The following KRABD5 variants were observed in gnomAD, a reference collection of about 807,000 sequenced individuals.
The protein encoded by KRABD5 is KRAB domain containing 5.
the KRABD5 span, among the ~76,000 whole-genome samples, chr16:31,717,274 G>A: frequency 6.6e-6 from 1 of 152,140 alleles, no homozygotes; most frequent in Admixed American, 6.5e-5. Flanking sequence ...GGGATTACAG[G>A]CGTGAGCCAC....
the KRABD5 span, chr16:31,753,723 G>T: frequency 7.0e-7 from 1 of 1,431,228 alleles, no homozygotes; most frequent in South Asian, 1.6e-5. Flanking sequence ...ATTTTCACCT[G>T]AATTTAGTAA....
chr16:31,756,560 A>G, the KRABD5 span: 1 of 152,102 alleles, frequency 6.6e-6, no homozygotes, highest in Non-Finnish European at 1.5e-5. Context: ...GAGAACTTAA[A>G]CTTCTAATAA....
At chr16:31,757,428 C>T in the KRABD5 span, 1 of 152,190 alleles carries the variant, frequency 6.6e-6, no homozygotes, top group African/African-American at 2.4e-5. Context: ...GTTTGTGCCT[C>T]ACACTCCAGC....
At chr16:31,735,859 T>C in the KRABD5 span, among the ~76,000 whole-genome samples, 1 of 152,220 alleles carries the variant, frequency 6.6e-6, no homozygotes. Flanking sequence ...TCTCCCATTG[T>C]CTAGGTTGTC....
At chr16:31,727,858 G>GTATT in the KRABD5 span, among the ~76,000 whole-genome samples, 31 of 151,792 alleles carry the variant, frequency 2.0e-4, no homozygotes, top group Non-Finnish European at 3.8e-4. Flanking sequence ...TTTCTTTTAT[G>GTATT]TATTTATTTA....
At chr16:31,734,374 C>T in the KRABD5 span, among the ~76,000 whole-genome samples, 1 of 151,954 alleles carries the variant, frequency 6.6e-6, no homozygotes, top group Admixed American at 6.6e-5. Context: ...CCTCAGCTCC[C>T]CAAGTCGTTA....
At chr16:31,725,775 TC>T in the KRABD5 span, among the ~76,000 whole-genome samples, 22 of 152,222 alleles carry the variant, frequency 1.4e-4, no homozygotes, top group Admixed American at 1.4e-3. Flanking sequence ...TTTTATGTAA[TC>T]CCTGGAAGAC....
the KRABD5 span, chr16:31,753,796 TAAG>T: frequency 2.0e-6 from 3 of 1,529,138 alleles, no homozygotes; most frequent in Non-Finnish European, 2.6e-6. Flanking sequence ...CAAGGCCTCT[TAAG>T]AAAGAAGCTT....
chr16:31,738,098 G>GT, the KRABD5 span, among the ~76,000 whole-genome samples: 1 of 152,074 alleles, frequency 6.6e-6, no homozygotes, highest in Non-Finnish European at 1.5e-5. Context: ...TTTGGTAAAA[G>GT]TTTTTTTGCA....
At chr16:31,755,700 A>T in the KRABD5 span, 1 of 408,988 alleles carries the variant, frequency 2.4e-6, no homozygotes, top group Non-Finnish European at 4.8e-6. Context: ...AAAAGTATTC[A>T]TACTAGAGAA....
At chr16:31,713,518 G>C in the KRABD5 span, 1 of 1,522,894 alleles carries the variant, frequency 6.6e-7, no homozygotes, top group South Asian at 1.2e-5. Context: ...GTTAGCTTCG[G>C]GGTCTGGGCC....
the KRABD5 span, among the ~76,000 whole-genome samples, chr16:31,726,480 G>A: frequency 4.6e-5 from 7 of 152,248 alleles, no homozygotes; most frequent in Admixed American, 2.0e-4. Flanking sequence ...AAATTTGGAG[G>A]CCAGATGCAG....
the KRABD5 span, among the ~76,000 whole-genome samples, chr16:31,752,948 A>T: frequency 6.6e-6 from 1 of 152,184 alleles, no homozygotes; most frequent in Non-Finnish European, 1.5e-5. Context: ...ATGTTAGTTA[A>T]TAGATTTCTG....
chr16:31,761,214 A>G, the KRABD5 span: 1 of 152,142 alleles, frequency 6.6e-6, no homozygotes, highest in African/African-American at 2.4e-5. Context: ...AGCTACTCCC[A>G]TGGAGGGAAA....
chr16:31,722,788 A>C, the KRABD5 span: 1 of 1,537,168 alleles, frequency 6.5e-7, no homozygotes, highest in Non-Finnish European at 8.7e-7. Context: ...TCTAATATCT[A>C]ATAACTAAGG....
the KRABD5 span, among the ~76,000 whole-genome samples, chr16:31,736,765 C>T: frequency 2.0e-5 from 3 of 152,014 alleles, no homozygotes; most frequent in African/African-American, 4.8e-5. Flanking sequence ...GGTGATCCAC[C>T]CGTCTCAGCT....
At chr16:31,753,270 T>C in the KRABD5 span, among the ~76,000 whole-genome samples, 2 of 152,202 alleles carry the variant, frequency 1.3e-5, no homozygotes, top group African/African-American at 4.8e-5. Context: ...TCATAGGCAC[T>C]ACTGTCTCTC....
chr16:31,738,897 A>G, the KRABD5 span, among the ~76,000 whole-genome samples: 2 of 152,210 alleles, frequency 1.3e-5, no homozygotes, highest in Admixed American at 6.5e-5. Context: ...TTAAAGTTAC[A>G]ACAATTTACC....
At chr16:31,729,649 T>C in the KRABD5 span, among the ~76,000 whole-genome samples, 2 of 152,242 alleles carry the variant, frequency 1.3e-5, no homozygotes, top group Admixed American at 1.3e-4. Flanking sequence ...ATTTAATCTC[T>C]TTATATGTAA....
Sources: gnomAD v4.1 joint callset for allele counts (sites outside exome capture counted in the v4.1 genomes callset) on GRCh38, gnomAD v4.1.1 for gene constraint, MANE v1.5 for transcripts, NCBI Gene and HGNC (gene_info 2026-07-23, HGNC 2026-07-21) for gene names.